CFAP58: variants seen among roughly 807,000 people sequenced by gnomAD.
CFAP58 encodes the protein cilia- and flagella-associated protein 58.
A neutral mutation model predicts 119.5 loss-of-function variants in CFAP58; 88 were observed. The ratio of observed to expected loss-of-function variants is 0.74; its 90% CI spans 0.62 to 0.88. The LOEUF is 0.88. Among genes scored for constraint, CFAP58 ranks in the 40% least tolerant of loss-of-function variants. CFAP58 has a pLI of 0.00. For synonymous variants in CFAP58, 365 were observed against 366.3 expected, an observed-to-expected ratio of 1.00 and a Z score of 0.04; for missense variants, 990 against 1,021.2, an observed-to-expected ratio of 0.97 and a Z score of 0.42.
chr10:104,375,170 A>G (rs1299016606), intron 7 of CFAP58, among the ~76,000 whole-genome samples: 1 of 151,064 alleles, frequency 6.6e-6, no homozygotes, highest in African/African-American at 2.4e-5. Flanking sequence ...TATACAGAAT[A>G]TAGTGTGTAC....
At chr10:104,396,571 G>A (rs529239637) in intron 11 of CFAP58, among the ~76,000 whole-genome samples, 1 of 152,348 alleles carries the variant, frequency 6.6e-6, no homozygotes, top group Admixed American at 6.5e-5. Context: ...TTGAGATCAT[G>A]TATGAATGGG....
chr10:104,339,895 G>T, the CFAP58 span, among the ~76,000 whole-genome samples: 60 of 152,174 alleles, frequency 3.9e-4, no homozygotes, highest in African/African-American at 1.4e-3. Context: ...CCTCCGCAAA[G>T]CAGGTGGGGG....
At chr10:104,434,490 A>G (rs2012898931) in intron 15 of CFAP58, among the ~76,000 whole-genome samples, 1 of 152,196 alleles carries the variant, frequency 6.6e-6, no homozygotes, top group African/African-American at 2.4e-5. Flanking sequence ...TTTTGGGACC[A>G]CAGACTGTGG....
At chr10:104,453,654 C>G (rs1436347759) in intron 17 of CFAP58, among the ~76,000 whole-genome samples, 1 of 151,910 alleles carries the variant, frequency 6.6e-6, no homozygotes, top group East Asian at 1.9e-4. Context: ...TAGCAGTTTG[C>G]TTAATTTTTA....
intron 15 of CFAP58, among the ~76,000 whole-genome samples, chr10:104,430,434 A>G (rs1034078583): frequency 1.3e-5 from 2 of 152,298 alleles, no homozygotes; most frequent in East Asian, 3.9e-4. Flanking sequence ...TGCTTTTCAC[A>G]TTACCTTCTC....
Position 104,434,752 on chromosome 10 carries a change from C to T in CFAP58, c.2257-12946C>T, listed in dbSNP as rs960470958. On this transcript the variant is annotated intron_variant, in intron 15 of 17. Coordinates refer to ENST00000369704, the MANE Select transcript of CFAP58 (RefSeq NM_001008723.2). ...TTTCAGAAGTGTCCCTTCTCTGATTCTTGTGATATCACTTGTAACTGTCAA... is the reference window on the plus strand; with the variant it reads ...TTTCAGAAGTGTCCCTTCTCTGATTTTTGTGATATCACTTGTAACTGTCAA... Among the ~76,000 whole-genome samples, 3 of 152,220 alleles carry T rather than the reference C, an allele frequency of 2.0e-5. No homozygotes were observed. The South Asian group carries it at 6.2e-4, about 32-fold the overall frequency.
intron 15 of CFAP58, among the ~76,000 whole-genome samples, chr10:104,414,733 A>T (rs1056620953): frequency 6.6e-6 from 1 of 152,034 alleles, no homozygotes; most frequent in South Asian, 2.1e-4. Context: ...GCAGTGGCGC[A>T]ATCTCGGCTC....
chr10:104,451,768 CTG>C (rs2133103382), intron 17 of CFAP58, among the ~76,000 whole-genome samples: 1 of 152,336 alleles, frequency 6.6e-6, no homozygotes, highest in East Asian at 1.9e-4. Flanking sequence ...CAGAGTCTTA[CTG>C]TGTCACCCAG....
intron 9 of CFAP58, among the ~76,000 whole-genome samples, chr10:104,384,921 G>T (rs2011891391): frequency 6.6e-6 from 1 of 152,176 alleles, no homozygotes; most frequent in Non-Finnish European, 1.5e-5. Flanking sequence ...CACAATGTCA[G>T]CATCAAGGCA....
intron 11 of CFAP58, among the ~76,000 whole-genome samples, chr10:104,394,714 A>G (rs572530910): frequency 1.3e-5 from 2 of 152,380 alleles, no homozygotes; most frequent in South Asian, 4.1e-4. Context: ...CTTATGACAG[A>G]AAAAGAATAG....
At position 104,364,830 on chromosome 10, in the gene CFAP58, A is replaced by G; in HGVS notation, c.538A>G (p.Thr180Ala). Residue 180 changes from threonine (T) to alanine (A), a missense_variant, in exon 4 of 18, where the codon ACT (threonine) becomes GCT (alanine). Physicochemically the swap from Thr to Ala is moderately conservative, Grantham distance 58 (BLOSUM62 0). Coordinates refer to ENST00000369704, the MANE Select transcript of CFAP58 (RefSeq NM_001008723.2). ...VKLRESLAQT[T>A]EQQQETERSK... ...ATTACGAGAATCCCTAGCTCAGACCACTGAACAGCAGCAGGAAACAGAGCG... is the reference window on the plus strand; with the variant it reads ...ATTACGAGAATCCCTAGCTCAGACCGCTGAACAGCAGCAGGAAACAGAGCG... 6.2e-7 allele frequency: 1 copy of G among 1,612,744 alleles called. No homozygotes were observed. Among genetic ancestry groups the G allele is most frequent in the Non-Finnish European group, 8.5e-7 (1 of 1,179,402 alleles).
Position 104,393,407 on chromosome 10 carries a change from A to C in CFAP58, c.1606A>C (p.Lys536Gln). The change falls in exon 11 of 18, where the codon AAA becomes CAA. Residue 536 changes from lysine (K) to glutamine (Q), a missense_variant. Coordinates refer to ENST00000369704, the MANE Select transcript of CFAP58 (RefSeq NM_001008723.2). ...VDELKEDISA[K>Q]ESALVKLHLE... ...TGAGCTGAAAGAAGACATCTCTGCC[A>C]AAGAGTCCGCACTTGTGAAGCTGCA... 1 of 1,614,158 alleles carries C rather than the reference A, an allele frequency of 6.2e-7. No homozygotes were observed. The highest frequency in any genetic ancestry group is 8.5e-7 in the Non-Finnish European group (1 of 1,179,990).
chr10:104,428,893 A>G (rs951028616), intron 15 of CFAP58, among the ~76,000 whole-genome samples: 3 of 152,204 alleles, frequency 2.0e-5, no homozygotes, highest in African/African-American at 7.2e-5. Context: ...CCGAGCAAGT[A>G]TGTTGGAGGT....
chr10:104,358,030 C>CATATGTACATATACACACAT (rs1245068735), intron 1 of CFAP58, among the ~76,000 whole-genome samples: 1 of 137,076 alleles, frequency 7.3e-6, no homozygotes, highest in Non-Finnish European at 1.6e-5. Context: ...CATATATATA[C>CATATGTACATATACACACAT]ATATGTACAT....
chr10:104,442,631 G>A (rs2013057417), intron 15 of CFAP58, among the ~76,000 whole-genome samples: 1 of 150,948 alleles, frequency 6.6e-6, no homozygotes, highest in African/African-American at 2.4e-5. Context: ...TTATATTTAT[G>A]TGTATCAGTA....
chr10:104,447,225 C>T (rs1441596772), intron 15 of CFAP58, among the ~76,000 whole-genome samples: 1 of 151,840 alleles, frequency 6.6e-6, no homozygotes, highest in African/African-American at 2.4e-5. Flanking sequence ...ACTATGTTGC[C>T]CATGTTCATC....
chr10:104,351,810 G>GA (rs1206074466), upstream of CFAP58: 2 of 151,962 alleles, frequency 1.3e-5, no homozygotes, highest in Non-Finnish European at 1.5e-5. Flanking sequence ...AAAATATAGG[G>GA]AAAAAAAGAG....
At chr10:104,350,951 A>T (rs1463334723), upstream of CFAP58, among the ~76,000 whole-genome samples, 2 of 152,222 alleles carry the variant, frequency 1.3e-5, no homozygotes, top group Non-Finnish European at 2.9e-5. Context: ...ACAGCCCTGC[A>T]CTTGACATCA....
intron 15 of CFAP58, among the ~76,000 whole-genome samples, chr10:104,429,366 C>T (rs2012805110): frequency 6.6e-6 from 1 of 152,028 alleles, no homozygotes; most frequent in East Asian, 1.9e-4. Context: ...GACAGGGAGA[C>T]CATGGAGCTT....
Sources: gnomAD v4.1 joint callset for allele counts (sites outside exome capture counted in the v4.1 genomes callset) on GRCh38, gnomAD v4.1.1 for gene constraint, MANE v1.5 for transcripts, NCBI Gene and HGNC (gene_info 2026-07-23, HGNC 2026-07-21) for gene names.